TENM4: variants seen among roughly 807,000 people sequenced by gnomAD.
The protein encoded by TENM4 is teneurin-4.
Under a neutral mutation model 243.3 loss-of-function variants are expected in TENM4, and 82 were observed. The ratio of observed to expected loss-of-function variants is 0.34; its 90% CI spans 0.28 to 0.40. The LOEUF is 0.40. Among genes scored for constraint, TENM4 ranks in the 10% least tolerant of loss-of-function variants. TENM4 has a pLI of 1.00. For missense variants in TENM4, 3,138 were observed against 3,673.3 expected (o/e 0.85, Z 3.77); for synonymous variants, 1,412 against 1,456.3 (o/e 0.97, Z 0.69).
intron 6 of TENM4, among the ~76,000 whole-genome samples, chr11:79,002,914 G>A (rs1217462067): frequency 6.6e-6 from 1 of 152,034 alleles, no homozygotes; most frequent in African/African-American, 2.4e-5. Context: ...GAACAATACA[G>A]GAGATGAAAG....
At chr11:79,124,702 C>A (rs1401848740) in intron 4 of TENM4, among the ~76,000 whole-genome samples, 1 of 129,554 alleles carries the variant, frequency 7.7e-6, no homozygotes, top group Non-Finnish European at 1.6e-5. Context: ...TATCTAGAAC[C>A]ACTCCTGGTA....
intron 6 of TENM4, among the ~76,000 whole-genome samples, chr11:78,989,710 G>A (rs1017548319): frequency 3.9e-5 from 6 of 152,016 alleles, no homozygotes; most frequent in South Asian, 4.2e-4. Context: ...CCCTCTCTTC[G>A]GAGCAGCAGT....
At chr11:79,054,147 GC>G (rs1859877700) in intron 6 of TENM4, among the ~76,000 whole-genome samples, 1 of 152,132 alleles carries the variant, frequency 6.6e-6, no homozygotes, top group Admixed American at 6.5e-5. Context: ...TGTCCCCACA[GC>G]CCATAGTTAC....
At chr11:79,131,453 A>C (rs1226343045) in intron 4 of TENM4, among the ~76,000 whole-genome samples, 3 of 152,232 alleles carry the variant, frequency 2.0e-5, no homozygotes, top group Non-Finnish European at 4.4e-5. Flanking sequence ...AAGGAAAGGT[A>C]CAGTCTTTTT....
At chr11:79,243,761 G>A (rs1267222167) in intron 2 of TENM4, among the ~76,000 whole-genome samples, 9 of 152,220 alleles carry the variant, frequency 5.9e-5, no homozygotes, top group Admixed American at 5.9e-4. Flanking sequence ...CACTAATGCA[G>A]GGCGCTAACC....
At chr11:79,238,728 T>C (rs1413220961) in intron 2 of TENM4, among the ~76,000 whole-genome samples, 1 of 152,070 alleles carries the variant, frequency 6.6e-6, no homozygotes, top group Non-Finnish European at 1.5e-5. Context: ...AATACAGGAC[T>C]CAAGAATTAG....
chr11:79,384,891 A>C (rs1858076907), intron 1 of TENM4, among the ~76,000 whole-genome samples: 1 of 134,014 alleles, frequency 7.5e-6, no homozygotes, highest in African/African-American at 2.8e-5. Flanking sequence ...GCACCACTGC[A>C]CTCCAGCCTG....
At chr11:78,842,254 G>A (rs1163943287) in intron 12 of TENM4, among the ~76,000 whole-genome samples, 1 of 152,106 alleles carries the variant, frequency 6.6e-6, no homozygotes, top group Non-Finnish European at 1.5e-5. Flanking sequence ...CTCCAAGGTC[G>A]AAACTCAATG....
chr11:78,670,781 C>G (rs1215334010), intron 31 of TENM4, among the ~76,000 whole-genome samples: 1 of 152,168 alleles, frequency 6.6e-6, no homozygotes, highest in Non-Finnish European at 1.5e-5. Flanking sequence ...CATCTTAGCA[C>G]AGCTTTAACC....
chr11:79,437,815 C>T (rs1293519908), intron 1 of TENM4, among the ~76,000 whole-genome samples: 1 of 152,198 alleles, frequency 6.6e-6, no homozygotes, highest in Non-Finnish European at 1.5e-5. Context: ...CAGCCGCCTC[C>T]GGGGCGCCCT....
intron 4 of TENM4, among the ~76,000 whole-genome samples, chr11:79,119,622 CCAATGT>C (rs1448534119): frequency 6.6e-6 from 1 of 152,176 alleles, no homozygotes; most frequent in African/African-American, 2.4e-5. Context: ...GCAGTTCAAA[CCAATGT>C]GTTCCTAAGT....
At chr11:79,271,782 C>T (rs900899592) in intron 2 of TENM4, among the ~76,000 whole-genome samples, 2 of 152,198 alleles carry the variant, frequency 1.3e-5, no homozygotes, top group Non-Finnish European at 2.9e-5. Flanking sequence ...GGCCTCTGGC[C>T]TGGGACTACC....
rs146438089 is a variant in TENM4, at chr11:79,246,417, T to C, written c.-264-30508A>G. On this transcript the variant is annotated intron_variant, in intron 2 of 33. Coordinates refer to ENST00000278550, the MANE Select transcript of TENM4 (RefSeq NM_001098816.3). ...GCTAGAGATACCAGGCCTATGAACC[T>C]CTAATTCCTTTCTGAGGTATATACC... Among the ~76,000 whole-genome samples the C allele has an allele frequency of 3.8e-3, 576 of 152,298 alleles. 12 individuals are homozygous for C. The highest frequency in any genetic ancestry group is 6.0e-3 in the East Asian group (31 of 5,186).
intron 3 of TENM4, among the ~76,000 whole-genome samples, chr11:79,193,934 G>T (rs1305566379): frequency 1.3e-5 from 2 of 151,994 alleles, no homozygotes; most frequent in African/African-American, 4.8e-5. Context: ...GGAGAGCAGG[G>T]GTAATATGGT....
chr11:79,396,381 T>A (rs536922207), intron 1 of TENM4, among the ~76,000 whole-genome samples: 3 of 152,334 alleles, frequency 2.0e-5, no homozygotes, highest in African/African-American at 7.2e-5. Context: ...ATTACTTTAT[T>A]ATTGCAAGTC....
chr11:79,225,730 C>T (rs866313453), intron 2 of TENM4, among the ~76,000 whole-genome samples: 5 of 152,166 alleles, frequency 3.3e-5, no homozygotes, highest in East Asian at 1.9e-4. Context: ...CCACCTGTCT[C>T]GGCCTCCCTC....
chr11:79,084,812 C>T (rs1010319088), intron 4 of TENM4, among the ~76,000 whole-genome samples: 1 of 152,116 alleles, frequency 6.6e-6, no homozygotes, highest in Admixed American at 6.5e-5. Context: ...TACTCACCTA[C>T]ACATGTGATA....
intron 9 of TENM4, among the ~76,000 whole-genome samples, chr11:78,872,626 T>C (rs1206226139): frequency 6.6e-6 from 1 of 152,224 alleles, no homozygotes; most frequent in African/African-American, 2.4e-5. Flanking sequence ...CTGAGATGCA[T>C]CATCCCCTCC....
chr11:78,769,196 G>A (rs1037240346), intron 18 of TENM4, among the ~76,000 whole-genome samples: 1 of 152,202 alleles, frequency 6.6e-6, no homozygotes, highest in African/African-American at 2.4e-5. Flanking sequence ...AACTGAAGGG[G>A]AATGCTGAGG....
Sources: gnomAD v4.1 joint callset for allele counts (sites outside exome capture counted in the v4.1 genomes callset) on GRCh38, gnomAD v4.1.1 for gene constraint, MANE v1.5 for transcripts, NCBI Gene and HGNC (gene_info 2026-07-23, HGNC 2026-07-21) for gene names.